The following TMEM135 variants were observed in gnomAD, a reference collection of about 807,000 sequenced individuals.
TMEM135 encodes the protein peroxisomal membrane protein 52.
Under a neutral mutation model 60.3 loss-of-function variants are expected in TMEM135, and 30 were observed. The observed-to-expected ratio is 0.50, with a 90% CI of 0.37 to 0.68. TMEM135 has a LOEUF of 0.68. Among genes scored for constraint, TMEM135 ranks in the 30% least tolerant of loss-of-function variants. TMEM135 has a pLI of 0.00. For synonymous variants in TMEM135, 190 were observed against 186.7 expected (o/e 1.02, Z -0.14); for missense variants, 468 against 548.8 (o/e 0.85, Z 1.47).
intron 1 of TMEM135, among the ~76,000 whole-genome samples, chr11:87,047,211 A>G (rs953131282): frequency 5.3e-5 from 8 of 152,132 alleles, no homozygotes. Context: ...TTTTGAATCT[A>G]TGTTTTATGT....
At chr11:87,183,559 G>A (rs1001572626) in intron 5 of TMEM135, among the ~76,000 whole-genome samples, 3 of 151,988 alleles carry the variant, frequency 2.0e-5, no homozygotes, top group South Asian at 2.1e-4. Context: ...AGGACATTGC[G>A]GTTAAATTGT....
chr11:87,328,535 C>T lies in TMEM135; in HGVS notation c.*7202C>T, dbSNP rs926100731. On this transcript the variant is annotated 3_prime_UTR_variant, in exon 15 of 15. Coordinates refer to ENST00000305494, the MANE Select transcript of TMEM135 (RefSeq NM_022918.4). The stretch of plus-strand genomic sequence containing the variant: ...TGAGTCTCCATAGTCCATTATATCA[C>T]TCTGTATACCCTTGTGTATCCATAG... The T allele has an allele frequency of 1.1e-5, 5 of 453,954 alleles. No individual in the cohort carries two copies. The highest frequency in any genetic ancestry group is 1.0e-4 in the African/African-American group (5 of 50,008). The allele number at this position is 453,954 out of a possible 1,614,324, so 28.1% of individuals were successfully genotyped here.
chr11:87,286,576 C>T (rs1201860025), intron 6 of TMEM135, among the ~76,000 whole-genome samples: 6 of 152,122 alleles, frequency 3.9e-5, no homozygotes, highest in South Asian at 4.1e-4. Context: ...CAGGGGGCGG[C>T]GCCCGTCAGA....
chr11:87,197,655 C>CA (rs59258347), intron 5 of TMEM135, among the ~76,000 whole-genome samples: 32,842 of 145,528 alleles, frequency 0.23, 3,958 homozygotes, highest in East Asian at 0.46. Context: ...TGTAGCTTAG[C>CA]AAAAAAAAAA....
chr11:87,121,865 C>G (rs1202211097), intron 4 of TMEM135, among the ~76,000 whole-genome samples: 1 of 152,076 alleles, frequency 6.6e-6, no homozygotes, highest in East Asian at 1.9e-4. Context: ...GTCTCGAACT[C>G]CTGACCTCAG....
chr11:87,085,522 C>G (rs532041764), intron 3 of TMEM135, among the ~76,000 whole-genome samples: 7 of 152,122 alleles, frequency 4.6e-5, no homozygotes, highest in Admixed American at 2.0e-4. Flanking sequence ...TTTGGGAGGC[C>G]GAGGAGGGCA....
intron 6 of TMEM135, among the ~76,000 whole-genome samples, chr11:87,263,003 G>GA (rs35379409): frequency 0.25 from 38,208 of 150,210 alleles, 5,277 homozygotes; most frequent in East Asian, 0.37. Context: ...AGTTTTCATG[G>GA]AAAAAAAAAA....
At chr11:87,100,515 A>C (rs529021232) in intron 4 of TMEM135, among the ~76,000 whole-genome samples, 15 of 152,202 alleles carry the variant, frequency 9.9e-5, no homozygotes, top group Non-Finnish European at 2.1e-4. Flanking sequence ...CCAACAATAA[A>C]ATTTCTAAAT....
chr11:87,083,305 C>T (rs2135157836), intron 3 of TMEM135, among the ~76,000 whole-genome samples: 1 of 152,246 alleles, frequency 6.6e-6, no homozygotes, highest in Admixed American at 6.5e-5. Flanking sequence ...TGTAGGAGGG[C>T]TGTTAAGAAC....
chr11:87,258,800 G>A (rs1348976272), intron 6 of TMEM135: 10 of 576,494 alleles, frequency 1.7e-5, no homozygotes, highest in Middle Eastern at 4.8e-4. Flanking sequence ...AAACACAATT[G>A]AATTTCTGAC....
At chr11:87,119,387 C>G (rs1018031135) in intron 4 of TMEM135, among the ~76,000 whole-genome samples, 3 of 152,130 alleles carry the variant, frequency 2.0e-5, no homozygotes, top group Non-Finnish European at 2.9e-5. Flanking sequence ...CGTGGCACCC[C>G]AAAGCAATTG....
chr11:87,097,033 G>T (rs1333466341), intron 4 of TMEM135, among the ~76,000 whole-genome samples: 1 of 149,186 alleles, frequency 6.7e-6, no homozygotes, highest in African/African-American at 2.5e-5. Flanking sequence ...GTCTGGCTCT[G>T]TCACCCAGGC....
At chr11:87,306,032 T>G in intron 9 of TMEM135, 27 bp downstream of exon 9, 3 of 1,388,838 alleles carry the variant, frequency 2.2e-6, no homozygotes, top group Non-Finnish European at 3.0e-6. Context: ...ATGTACTTTA[T>G]TAACAGTAGG....
intron 1 of TMEM135, among the ~76,000 whole-genome samples, chr11:87,038,609 C>CTTTTTTTTTTTTTTTTT (rs3045930): frequency 7.9e-5 from 9 of 113,914 alleles, no homozygotes; most frequent in Non-Finnish European, 1.2e-4. Context: ...TTTTATTTTG[C>CTTTTTTTTTTTTTTTTT]TTTTTTTTTT....
chr11:87,319,931 A>G (rs61904533), intron 14 of TMEM135, among the ~76,000 whole-genome samples: 14,903 of 152,182 alleles, frequency 0.098, 960 homozygotes, highest in Non-Finnish European at 0.14. Flanking sequence ...CTGTGTTGCT[A>G]TGGAAAATTA....
At chr11:87,196,433 T>C (rs989114961) in intron 5 of TMEM135, among the ~76,000 whole-genome samples, 2 of 152,272 alleles carry the variant, frequency 1.3e-5, no homozygotes, top group African/African-American at 4.8e-5. Context: ...GAGGAAATAC[T>C]ATTAAAAAGT....
chr11:87,320,833 T>C (rs1277067704), intron 14 of TMEM135, among the ~76,000 whole-genome samples: 1 of 152,154 alleles, frequency 6.6e-6, no homozygotes, highest in Non-Finnish European at 1.5e-5. Context: ...GTTAGCTCAT[T>C]TATTGTTTAG....
chr11:87,312,629 C>T (rs547542501), intron 10 of TMEM135, among the ~76,000 whole-genome samples: 46 of 151,932 alleles, frequency 3.0e-4, no homozygotes, highest in African/African-American at 8.7e-4. Flanking sequence ...AGTGTGGCTG[C>T]GTTTCAATAA....
intron 1 of TMEM135, among the ~76,000 whole-genome samples, chr11:87,063,667 A>T (rs1395205623): frequency 1.3e-5 from 2 of 152,196 alleles, no homozygotes. Flanking sequence ...GGCCTGGCTA[A>T]CTAGACTACT....
Sources: allele counts gnomAD v4.1 joint callset (sites outside exome capture counted in the v4.1 genomes callset), GRCh38; gene constraint gnomAD v4.1.1; transcripts MANE v1.5; gene names NCBI Gene and HGNC (gene_info 2026-07-23, HGNC 2026-07-21).